The following COL25A1 variants were observed in gnomAD, a reference collection of about 807,000 sequenced individuals.
The protein encoded by COL25A1 is collagen type XXV alpha 1 chain, also known as collagen alpha-1(XXV) chain.
A neutral mutation model predicts 128.4 loss-of-function variants in COL25A1; 103 were observed. The observed-to-expected ratio is 0.80, with a 90% CI of 0.68 to 0.94. The LOEUF is 0.94. COL25A1 is among the 40% of genes least tolerant of loss of function. The pLI is 0.00. For missense variants in COL25A1, 745 were observed against 840.0 expected (o/e 0.89, Z 1.40); for synonymous variants, 279 against 277.2 (o/e 1.01, Z -0.06).
rs1323855467 is a variant in COL25A1 at position 108,990,228 on chromosome 4, AAAAAAAAAAAAATATATAT to A, written c.439-15688_439-15670del. Among the ~76,000 whole-genome samples the A allele has an allele frequency of 2.2e-4, 16 of 71,140 alleles. 1 individual carries two copies. In the South Asian group the frequency reaches 2.8e-3, roughly 13 times the overall value. 46.7% of individuals were successfully genotyped at this position (71,140 alleles called of 152,430 possible). On this transcript the variant is annotated intron_variant, in intron 6 of 37. Coordinates refer to ENST00000399132, the MANE Select transcript of COL25A1 (RefSeq NM_198721.4). The stretch of plus-strand genomic sequence containing the variant: ...ACTCCATCTCAAAAAAAAAAAAAAA[AAAAAAAAAAAAATATATAT>A]ATATATATATATATATATATATATA...
Position 109,059,528 on chromosome 4 carries a change from T to C in COL25A1, c.368-9349A>G, listed in dbSNP as rs187312944. Among the ~76,000 whole-genome samples, 5 of 152,358 alleles carry C rather than the reference T, an allele frequency of 3.3e-5. No homozygotes were observed. In the East Asian group the frequency reaches 7.7e-4, roughly 23 times the overall value. On this transcript the variant is annotated intron_variant, in intron 3 of 37. Coordinates refer to ENST00000399132, the MANE Select transcript of COL25A1 (RefSeq NM_198721.4). ...AAATCTTTGTTTATAGGCTTATTTTTAGCTTTTCATTTTAAAGGAAAAATA... is the reference window on the plus strand; with the variant it reads ...AAATCTTTGTTTATAGGCTTATTTTCAGCTTTTCATTTTAAAGGAAAAATA...
rs183269141 is a variant in COL25A1 at position 108,956,416 on chromosome 4, T to C, written c.493-14979A>G. On this transcript the variant is annotated intron_variant, in intron 8 of 37. Transcript: ENST00000399132. The stretch of plus-strand genomic sequence containing the variant: ...TTAATACATGTTATTTTTGTTTGTT[T>C]GTTTTTGAGACAGAATTTTGCTCTT... Among the ~76,000 whole-genome samples the C allele has an allele frequency of 4.6e-4, 70 of 152,330 alleles. 1 individual carries two copies. The highest frequency in any genetic ancestry group is 1.7e-3 in the African/African-American group (69 of 41,568).
At chr4:109,038,781 T>G (rs1008122616) in intron 5 of COL25A1, among the ~76,000 whole-genome samples, 8 of 152,178 alleles carry the variant, frequency 5.3e-5, no homozygotes, top group Non-Finnish European at 1.2e-4. Context: ...CTTCTTTTCT[T>G]GAGTTGCTGC....
Position 108,920,699 on chromosome 4 carries a change from C to T in COL25A1, c.709-95G>A, listed in dbSNP as rs1447630493. 7.1e-6 allele frequency: 6 copies of T among 843,312 alleles called. No individual in the cohort carries two copies. In the African/African-American group the frequency reaches 1.0e-4, roughly 15 times the overall value. The allele number at this position is 843,312 out of a possible 1,614,324, so 52.2% of individuals were successfully genotyped here. A position where few individuals can be genotyped will look rare whatever the true frequency, so the allele number is the denominator to read the frequency against. ...GTCCTATTCTCTAAGATTCTCTTTG[C>T]TGTACTGAAATATGTTGACATTTCA... On this transcript the variant is annotated intron_variant, in intron 11 of 37. Coordinates refer to ENST00000399132, the MANE Select transcript of COL25A1 (RefSeq NM_198721.4).
chr4:109,301,758 T>C lies in COL25A1; in HGVS notation c.262A>G (p.Met88Val), dbSNP rs761320388. 6.2e-7 allele frequency: 1 copy of C among 1,614,162 alleles called. No homozygotes were observed. Among genetic ancestry groups the C allele is most frequent in the Non-Finnish European group, 8.5e-7 (1 of 1,179,998 alleles). Reference protein sequence around the residue: ...LPDTLDHLKTMVQEKVERLLA... With the variant: ...LPDTLDHLKTVVQEKVERLLA... ...AGTCGCTCCACTTTCTCTTGCACCA[T>C]AGTCTTGAGGTGATCCAGGGTATCA... The change falls in exon 2 of 38, where the codon ATG becomes GTG. Residue 88 changes from methionine (M) to valine (V), a missense_variant. Transcript: ENST00000399132.
intron 3 of COL25A1, among the ~76,000 whole-genome samples, chr4:109,075,505 G>A (rs969117557): frequency 6.6e-6 from 1 of 152,092 alleles, no homozygotes; most frequent in East Asian, 1.9e-4. Context: ...AAAATAGAAT[G>A]ACAAAATAGA....
intron 3 of COL25A1, among the ~76,000 whole-genome samples, chr4:109,249,596 A>G (rs1050415135): frequency 1.4e-5 from 2 of 141,874 alleles, no homozygotes; most frequent in African/African-American, 3.2e-5. Flanking sequence ...GCACACTTTG[A>G]TTAAGATAGG....
intron 3 of COL25A1, among the ~76,000 whole-genome samples, chr4:109,105,545 C>T (rs1476683557): frequency 6.6e-6 from 1 of 151,804 alleles, no homozygotes; most frequent in Non-Finnish European, 1.5e-5. Context: ...TGTATTTAAA[C>T]TAAATGAAAA....
At chr4:108,983,241 G>T (rs993349739) in intron 6 of COL25A1, among the ~76,000 whole-genome samples, 2 of 152,038 alleles carry the variant, frequency 1.3e-5, no homozygotes, top group Non-Finnish European at 2.9e-5. Context: ...CATGGTGAAA[G>T]ACTTGGAATC....
chr4:109,083,699 G>A (rs546067153), intron 3 of COL25A1, among the ~76,000 whole-genome samples: 2 of 151,662 alleles, frequency 1.3e-5, no homozygotes, highest in South Asian at 2.1e-4. Context: ...CCTGACCTTA[G>A]GTAATCCGCC....
intron 5 of COL25A1, 104 bp from the exon 6 acceptor site, chr4:109,010,479 C>A (rs2068801768): frequency 1.3e-6 from 1 of 797,324 alleles, no homozygotes; most frequent in Non-Finnish European, 2.0e-6. Context: ...ACAAATATTT[C>A]TGAAGATAAT....
At chr4:109,166,554 G>A (rs1773091368) in intron 3 of COL25A1, among the ~76,000 whole-genome samples, 1 of 152,126 alleles carries the variant, frequency 6.6e-6, no homozygotes, top group South Asian at 2.1e-4. Flanking sequence ...TACTGTATTT[G>A]GAGTTGGAAC....
At chr4:109,184,186 A>C (rs2126149897) in intron 3 of COL25A1, among the ~76,000 whole-genome samples, 1 of 152,314 alleles carries the variant, frequency 6.6e-6, no homozygotes, top group South Asian at 2.1e-4. Context: ...GAAGTGCTAA[A>C]CCAGGCACTT....
intron 3 of COL25A1, among the ~76,000 whole-genome samples, chr4:109,081,018 C>A (rs1270791896): frequency 6.6e-6 from 1 of 152,128 alleles, no homozygotes; most frequent in Non-Finnish European, 1.5e-5. Context: ...GAATAAATAA[C>A]CTGCGCAAGG....
At chr4:108,908,414 A>G (rs1190672506) in intron 13 of COL25A1, among the ~76,000 whole-genome samples, 1 of 152,160 alleles carries the variant, frequency 6.6e-6, no homozygotes, top group South Asian at 2.1e-4. Context: ...GTAGCAGTTC[A>G]GTAGTCTTTA....
At chr4:109,065,854 A>G (rs1001192280) in intron 3 of COL25A1, among the ~76,000 whole-genome samples, 4 of 152,158 alleles carry the variant, frequency 2.6e-5, no homozygotes, top group African/African-American at 9.7e-5. Context: ...AAGGTTTTTT[A>G]TTTCACTGCA....
intron 5 of COL25A1, among the ~76,000 whole-genome samples, chr4:109,015,013 A>G (rs909289966): frequency 2.0e-5 from 3 of 150,092 alleles, no homozygotes; most frequent in Admixed American, 1.3e-4. Context: ...CAGTCGTCCT[A>G]ATAGAGCCAT....
chr4:109,284,720 G>A (rs1723707174), intron 3 of COL25A1, among the ~76,000 whole-genome samples: 1 of 151,678 alleles, frequency 6.6e-6, no homozygotes, highest in Admixed American at 6.6e-5. Context: ...GAAATTTATT[G>A]AAAGAATAAT....
chr4:109,032,981 T>C (rs1299478833), intron 5 of COL25A1, among the ~76,000 whole-genome samples: 2 of 152,196 alleles, frequency 1.3e-5, no homozygotes, highest in African/African-American at 4.8e-5. Context: ...AAGGTAGACA[T>C]TTGTATTAAT....
Sources: gnomAD v4.1 joint callset for allele counts (sites outside exome capture counted in the v4.1 genomes callset) on GRCh38, gnomAD v4.1.1 for gene constraint, MANE v1.5 for transcripts, NCBI Gene and HGNC (gene_info 2026-07-23, HGNC 2026-07-21) for gene names.